The following KCNB2 variants were observed in gnomAD, a reference collection of about 807,000 sequenced individuals.
KCNB2 encodes potassium voltage-gated channel subfamily B member 2, also known as delayed rectifier potassium channel protein.
In KCNB2, 15 loss-of-function variants were observed where a neutral mutation model predicts 61.5. That is an observed-to-expected ratio of 0.24 (90% CI 0.16 to 0.38). The LOEUF is 0.38. KCNB2 is among the 10% of genes least tolerant of loss of function. The probability of loss-of-function intolerance (pLI) is 1.00; values close to 1 mark genes in which losing one functional copy is unlikely to be tolerated. For missense variants in KCNB2, 828 were observed against 1,125.2 expected, an observed-to-expected ratio of 0.74 and a Z score of 3.78; for synonymous variants, 457 against 446.0, an observed-to-expected ratio of 1.02 and a Z score of -0.31.
intron 2 of KCNB2, among the ~76,000 whole-genome samples, chr8:72,916,083 G>A (rs1329781232): frequency 6.6e-6 from 1 of 152,126 alleles, no homozygotes; most frequent in Non-Finnish European, 1.5e-5. Context: ...CTGGTCTCAG[G>A]AGACCATTTC....
At chr8:72,583,474 A>C (rs1806940301) in intron 2 of KCNB2, among the ~76,000 whole-genome samples, 1 of 152,128 alleles carries the variant, frequency 6.6e-6, no homozygotes, top group Non-Finnish European at 1.5e-5. Context: ...GCAAAAAAAA[A>C]ACAAAAAAAA....
At chr8:72,789,671 A>G (rs1444958945) in intron 2 of KCNB2, among the ~76,000 whole-genome samples, 1 of 152,128 alleles carries the variant, frequency 6.6e-6, no homozygotes, top group Non-Finnish European at 1.5e-5. Context: ...GGGACCCTGG[A>G]GTTTTTTGAG....
chr8:72,691,492 T>C (rs1000227040), intron 2 of KCNB2, among the ~76,000 whole-genome samples: 2 of 152,258 alleles, frequency 1.3e-5, no homozygotes, highest in African/African-American at 4.8e-5. Flanking sequence ...TGGTAGTTTT[T>C]TTTCACGCAT....
At chr8:72,654,762 A>G (rs559987046) in intron 2 of KCNB2, among the ~76,000 whole-genome samples, 80 of 152,288 alleles carry the variant, frequency 5.3e-4, no homozygotes, top group African/African-American at 1.9e-3. Flanking sequence ...GAACATGGGA[A>G]AGAAAGACAA....
At chr8:72,678,871 T>C (rs899289695) in intron 2 of KCNB2, among the ~76,000 whole-genome samples, 1 of 152,202 alleles carries the variant, frequency 6.6e-6, no homozygotes, top group Non-Finnish European at 1.5e-5. Flanking sequence ...TGCCCAACTA[T>C]GCACCTCAAT....
In KCNB2 at chr8:72,790,623, C is replaced by T. The variant is rs143480198; in HGVS notation, c.580-145312C>T. ...AGGATTGTTCTGTGACAGCAGCCAG[C>T]AGGGAAGCAGGACCCAGAGAGAACG... On this transcript the variant is annotated intron_variant, in intron 2 of 2. Coordinates refer to ENST00000523207, the MANE Select transcript of KCNB2 (RefSeq NM_004770.3). 1.0e-3 allele frequency among the ~76,000 whole-genome samples: 152 copies of T among 152,234 alleles called. 2 individuals carry two copies. Among genetic ancestry groups the T allele is most frequent in the African/African-American group, 3.4e-3 (140 of 41,540 alleles).
rs55696554 is a variant in KCNB2, at chr8:72,851,826, G to GAAAAAAAAAAAAA, written c.580-84099_580-84087dup. 5.3e-3 allele frequency among the ~76,000 whole-genome samples: 234 copies of GAAAAAAAAAAAAA among 43,860 alleles called. 34 individuals carry two copies. The highest frequency in any genetic ancestry group is 0.011 in the African/African-American group (120 of 10,738). The allele number at this position is 43,860 out of a possible 152,430, so 28.8% of individuals were successfully genotyped here. A position where few individuals can be genotyped will look rare whatever the true frequency, so the allele number is the denominator to read the frequency against. On this transcript the variant is annotated intron_variant, in intron 2 of 2. Transcript: ENST00000523207. ...TTTTTTTTTAATGTAGAAGCTGTAG[G>GAAAAAAAAAAAAA]AAAAAAAAAAAAAAAAAAAAAACAC...
At chr8:72,622,348 A>G (rs73688722) in intron 2 of KCNB2, among the ~76,000 whole-genome samples, 1,963 of 152,320 alleles carry the variant, frequency 0.013, 39 homozygotes, top group African/African-American at 0.045. Flanking sequence ...CTGTAATCCA[A>G]GAGTATTGAG....
At chr8:72,836,474 C>T (rs4342650) in intron 2 of KCNB2, among the ~76,000 whole-genome samples, 129,840 of 152,208 alleles carry the variant, frequency 0.85, 56,339 homozygotes, top group Middle Eastern at 0.97. Flanking sequence ...GGGTTGACTC[C>T]TCTTGGAGTT....
At chr8:72,715,170 A>G (rs1807408063) in intron 2 of KCNB2, among the ~76,000 whole-genome samples, 1 of 152,252 alleles carries the variant, frequency 6.6e-6, no homozygotes, top group African/African-American at 2.4e-5. Flanking sequence ...GCAAGTCCTT[A>G]GTGACCTACA....
At chr8:72,659,091 T>C (rs1806338788) in intron 2 of KCNB2, among the ~76,000 whole-genome samples, 1 of 152,190 alleles carries the variant, frequency 6.6e-6, no homozygotes. Flanking sequence ...CCCCCATAGA[T>C]AGTGATTCCT....
chr8:72,640,940 T>C (rs1806046001), intron 2 of KCNB2, among the ~76,000 whole-genome samples: 1 of 152,124 alleles, frequency 6.6e-6, no homozygotes, highest in Non-Finnish European at 1.5e-5. Context: ...TCTCCAGCCA[T>C]AATCTTGTAA....
At chr8:72,740,362 G>A (rs1807929642) in intron 2 of KCNB2, among the ~76,000 whole-genome samples, 1 of 152,130 alleles carries the variant, frequency 6.6e-6, no homozygotes, top group Non-Finnish European at 1.5e-5. Context: ...AGGGCTCTTG[G>A]AATGCCTCAG....
At chr8:72,786,441 T>C (rs578068287) in intron 2 of KCNB2, among the ~76,000 whole-genome samples, 1 of 152,292 alleles carries the variant, frequency 6.6e-6, no homozygotes, top group South Asian at 2.1e-4. Context: ...TTATTCTCCC[T>C]TGTCTGTGTA....
chr8:72,770,027 C>T (rs954141908), intron 2 of KCNB2, among the ~76,000 whole-genome samples: 2 of 152,180 alleles, frequency 1.3e-5, no homozygotes, highest in Non-Finnish European at 2.9e-5. Flanking sequence ...CACTTCTCAT[C>T]AGAGGCCAAC....
rs180761812 is a variant in KCNB2, at chr8:72,918,905, A to C, written c.580-17030A>C. ...CCGGCATATACAAAACTAGTCTGGCATTTAGAAAACCTAGAAGTCTAAAAG... is the reference window on the plus strand; with the variant it reads ...CCGGCATATACAAAACTAGTCTGGCCTTTAGAAAACCTAGAAGTCTAAAAG... On this transcript the variant is annotated intron_variant, in intron 2 of 2. Coordinates refer to ENST00000523207, the MANE Select transcript of KCNB2 (RefSeq NM_004770.3). 4.6e-5 allele frequency among the ~76,000 whole-genome samples: 7 copies of C among 152,324 alleles called. No individual in the cohort carries two copies. The East Asian group carries it at 1.2e-3, about 25-fold the overall frequency.
intron 1 of KCNB2, among the ~76,000 whole-genome samples, chr8:72,561,751 A>C (rs1407522285): frequency 4.0e-5 from 1 of 25,034 alleles, no homozygotes; most frequent in Non-Finnish European, 6.0e-5. Flanking sequence ...ATATATGTAT[A>C]TATATATATG....
chr8:72,785,420 T>C, intron 2 of KCNB2, among the ~76,000 whole-genome samples: 1 of 152,220 alleles, frequency 6.6e-6, no homozygotes, highest in East Asian at 1.9e-4. Context: ...TCCTTGGGAG[T>C]GATGAGAGCC....
chr8:72,581,139 C>G (rs932854673), intron 2 of KCNB2, among the ~76,000 whole-genome samples: 1 of 152,150 alleles, frequency 6.6e-6, no homozygotes, highest in South Asian at 2.1e-4. Flanking sequence ...TATATCCATC[C>G]AGAAGGAACA....
Sources: allele counts gnomAD v4.1 joint callset (sites outside exome capture counted in the v4.1 genomes callset), GRCh38; gene constraint gnomAD v4.1.1; transcripts MANE v1.5; gene names NCBI Gene and HGNC (gene_info 2026-07-23, HGNC 2026-07-21).